The following KCNN3 variants were observed in gnomAD, a reference collection of about 807,000 sequenced individuals.
The protein encoded by KCNN3 is small conductance calcium-activated potassium channel protein 3.
In KCNN3, 16 loss-of-function variants were observed where a neutral mutation model predicts 62.9. That is an observed-to-expected ratio of 0.25 (90% confidence interval 0.17 to 0.39). KCNN3 has a LOEUF of 0.39. Among genes scored for constraint, KCNN3 ranks in the 10% least tolerant of loss-of-function variants. The pLI is 1.00. For missense variants in KCNN3, 599 were observed against 949.4 expected, an observed-to-expected ratio of 0.63 and a Z score of 4.85; for synonymous variants, 370 against 389.2, an observed-to-expected ratio of 0.95 and a Z score of 0.58.
intron 3 of KCNN3, among the ~76,000 whole-genome samples, chr1:154,736,216 C>T (rs1052091402): frequency 1.3e-5 from 2 of 152,178 alleles, no homozygotes; most frequent in Non-Finnish European, 2.9e-5. Context: ...TAAAATAACC[C>T]ACAAGCAATA....
At chr1:154,767,473 T>C (rs1648348566) in intron 3 of KCNN3, among the ~76,000 whole-genome samples, 1 of 152,150 alleles carries the variant, frequency 6.6e-6, no homozygotes, top group Non-Finnish European at 1.5e-5. Context: ...ACTTCATCAA[T>C]GTTATGGGAG....
chr1:154,765,884 C>T (rs1052539809), intron 3 of KCNN3, among the ~76,000 whole-genome samples: 1 of 151,892 alleles, frequency 6.6e-6, no homozygotes, highest in Non-Finnish European at 1.5e-5. Flanking sequence ...TGACCTCAAG[C>T]GATCCACCTG....
At chr1:154,778,507 G>A (rs1439502097) in intron 2 of KCNN3, among the ~76,000 whole-genome samples, 1 of 151,910 alleles carries the variant, frequency 6.6e-6, no homozygotes, top group African/African-American at 2.4e-5. Flanking sequence ...TGCAGAAAAG[G>A]CCACAGATTC....
rs1218492576 is a variant in KCNN3 at position 154,778,603 on chromosome 1, CTCTG to C, written c.1030-6214_1030-6211del. 1.5e-3 allele frequency among the ~76,000 whole-genome samples: 217 copies of C among 145,122 alleles called. 2 individuals carry two copies. The highest frequency in any genetic ancestry group is 5.4e-3 in the African/African-American group (214 of 39,556). ...ACAGCCTATTTCTCTCTCCCTCTCT[CTCTG>C]TCTCTTTTTTTTTTTTTTTTTTTTT... is the stretch of plus-strand genomic sequence containing the variant. On this transcript the variant is annotated intron_variant, in intron 2 of 7. Coordinates refer to ENST00000271915, the MANE Select transcript of KCNN3 (RefSeq NM_002249.6).
At chr1:154,789,688 G>C (rs1230672064) in intron 2 of KCNN3, among the ~76,000 whole-genome samples, 1 of 152,132 alleles carries the variant, frequency 6.6e-6, no homozygotes, top group African/African-American at 2.4e-5. Context: ...CTCAGGACAG[G>C]CAGGGCCTTG....
intron 2 of KCNN3, among the ~76,000 whole-genome samples, chr1:154,790,723 A>G (rs1362082241): frequency 2.6e-5 from 4 of 152,160 alleles, no homozygotes; most frequent in African/African-American, 9.7e-5. Context: ...AAAGTCGACA[A>G]ATCTTAAGTC....
At chr1:154,749,659 A>G (rs1647266577) in intron 3 of KCNN3, among the ~76,000 whole-genome samples, 1 of 152,190 alleles carries the variant, frequency 6.6e-6, no homozygotes, top group Non-Finnish European at 1.5e-5. Flanking sequence ...GTTGCAAAGT[A>G]GCCCCCAGGG....
At chr1:154,797,125 C>T (rs1267415066) in intron 2 of KCNN3, among the ~76,000 whole-genome samples, 2 of 152,224 alleles carry the variant, frequency 1.3e-5, no homozygotes, top group African/African-American at 4.8e-5. Context: ...ATATCCACCT[C>T]GTCCCTCCCC....
At position 154,772,791 on chromosome 1, in the gene KCNN3, GGTC is replaced by G. The variant is rs1297005874; in HGVS notation, c.1030-401_1030-399del. ...AATGAGATGACTAGTGGCTGGGGTC[GGTC>G]GGGGTGGGGATCCAGGGTGGCCTCA... On this transcript the variant is annotated intron_variant, in intron 2 of 7. Transcript: ENST00000271915. This position sits in a 1 kb window ranked among gnomAD's most constrained non-coding sequence, Gnocchi z 5.6. 1.3e-5 allele frequency among the ~76,000 whole-genome samples: 2 copies of G among 152,174 alleles called. No homozygotes were observed. Among genetic ancestry groups the G allele is most frequent in the African/African-American group, 4.8e-5 (2 of 41,436 alleles).
rs1699978975 is a variant in KCNN3, at chr1:154,707,120, A to G, written c.*856T>C. On this transcript the variant is annotated 3_prime_UTR_variant, in exon 8 of 8. Coordinates refer to ENST00000271915, the MANE Select transcript of KCNN3 (RefSeq NM_002249.6). Reference sequence around the variant, plus strand: ...CAAGGTGCATATCCAGGACAAAGCAATGTGCATTATGTCTGAAGGGATCCA... The same window carrying G: ...CAAGGTGCATATCCAGGACAAAGCAGTGTGCATTATGTCTGAAGGGATCCA... 1 of 152,250 alleles carries G rather than the reference A, an allele frequency of 6.6e-6. No individual in the cohort carries two copies. Among genetic ancestry groups the G allele is most frequent in the African/African-American group, 2.4e-5 (1 of 41,470 alleles). 9.4% of individuals were successfully genotyped at this position (152,250 alleles called of 1,614,324 possible). A position where few individuals can be genotyped will look rare whatever the true frequency, so the allele number is the denominator to read the frequency against.
rs748752195 is a variant in KCNN3 at position 154,869,883 on chromosome 1, C to A, written c.82G>T (p.Asp28Tyr). Reference sequence around the variant, plus strand: ...TGCTGCTGCTGCTGCTGCTGCTCATCCCCAGAGGATGGACAGGGGCACTTG... The same window carrying A: ...TGCTGCTGCTGCTGCTGCTGCTCATACCCAGAGGATGGACAGGGGCACTTG... ...DPKCPCPSSG[D>Y]EQQQQQQQQQ... Residue 28 changes from aspartate (D) to tyrosine (Y), a missense_variant, in exon 1 of 8, where the codon GAT becomes TAT. Transcript: ENST00000271915. The surrounding 1 kb of genome is among the most constrained non-coding windows in gnomAD (Gnocchi z 6.1). The A allele has an allele frequency of 1.2e-6, 2 of 1,604,864 alleles. No individual in the cohort carries two copies. The highest frequency in any genetic ancestry group is 1.7e-6 in the Non-Finnish European group (2 of 1,175,584).
intron 2 of KCNN3, among the ~76,000 whole-genome samples, chr1:154,785,369 G>C (rs1649231523): frequency 6.6e-6 from 1 of 152,004 alleles, no homozygotes; most frequent in Admixed American, 6.6e-5. Flanking sequence ...GTCAGGACCA[G>C]GTGGTGGTGG....
chr1:154,841,492 G>T (rs1355459502), intron 1 of KCNN3, among the ~76,000 whole-genome samples: 2 of 152,196 alleles, frequency 1.3e-5, no homozygotes, highest in Admixed American at 1.3e-4. Flanking sequence ...ATGAAGCCAA[G>T]TTAGGGGACC....
chr1:154,869,575 G>A lies in KCNN3; in HGVS notation c.390C>T (p.Leu130=). The A allele has an allele frequency of 6.2e-7, 1 of 1,614,124 alleles. No homozygotes were observed. Among genetic ancestry groups the A allele is most frequent in the Non-Finnish European group, 8.5e-7 (1 of 1,180,014 alleles). ...LHPSSRQGSQ[L]NLNDHLLGHS... ...GGCCAAGCAAGTGGTCATTGAGATT[G>A]AGCTGGCTGCCTTGCCTGGAGGAAG... The change falls in exon 1 of 8, where the codon CTC becomes CTT. Residue 130 remains leucine, a synonymous_variant. Coordinates refer to ENST00000271915, the MANE Select transcript of KCNN3 (RefSeq NM_002249.6). The surrounding 1 kb of genome is among the most constrained non-coding windows in gnomAD (Gnocchi z 6.1).
chr1:154,868,955 TC>T, intron 1 of KCNN3, 76 bp downstream of exon 1: 1 of 943,270 alleles, frequency 1.1e-6, no homozygotes, highest in Non-Finnish European at 1.7e-6. Flanking sequence ...TCTCTCACAA[TC>T]CCCCTCTCTC....
At chr1:154,867,725 C>G (rs555176562) in intron 1 of KCNN3, among the ~76,000 whole-genome samples, 1 of 149,784 alleles carries the variant, frequency 6.7e-6, no homozygotes, top group African/African-American at 2.5e-5. Flanking sequence ...CAGCCACCCC[C>G]CCACCAAGCC....
intron 2 of KCNN3, among the ~76,000 whole-genome samples, chr1:154,779,854 C>G (rs1332482892): frequency 1.3e-5 from 2 of 152,224 alleles, no homozygotes; most frequent in Non-Finnish European, 2.9e-5. Flanking sequence ...AAGCCCTTGG[C>G]TTTCAGCTGT....
chr1:154,829,615 A>G (rs1309300770), intron 1 of KCNN3, among the ~76,000 whole-genome samples: 1 of 152,208 alleles, frequency 6.6e-6, no homozygotes, highest in East Asian at 1.9e-4. Flanking sequence ...CCAGCCAGGC[A>G]TCATGAGCCA....
chr1:154,842,940 G>A (rs1013129372), intron 1 of KCNN3, among the ~76,000 whole-genome samples: 2 of 152,128 alleles, frequency 1.3e-5, no homozygotes, highest in African/African-American at 4.8e-5. Context: ...CTATAAAATG[G>A]GGCAGTAAGA....
Sources: gnomAD v4.1 joint callset for allele counts (sites outside exome capture counted in the v4.1 genomes callset) on GRCh38, gnomAD v4.1.1 for gene constraint, Gnocchi (gnomAD v3.1) non-coding constraint, MANE v1.5 for transcripts, NCBI Gene and HGNC (gene_info 2026-07-23, HGNC 2026-07-21) for gene names.